MMP16: variants seen among roughly 807,000 people sequenced by gnomAD.
MMP16 encodes the protein matrix metalloproteinase-16.
In MMP16, 12 loss-of-function variants were observed where a neutral mutation model predicts 67.8. The ratio of observed to expected loss-of-function variants is 0.18; its 90% CI spans 0.11 to 0.29. The LOEUF (loss-of-function observed/expected upper bound fraction) is 0.29, where lower values mean the gene tolerates loss of function less well. MMP16 is among the 10% of genes least tolerant of loss of function. MMP16 has a pLI of 1.00. For missense variants in MMP16, 475 were observed against 765.7 expected (o/e 0.62, Z 4.48); for synonymous variants, 249 against 255.9 (o/e 0.97, Z 0.26).
intron 6 of MMP16, among the ~76,000 whole-genome samples, chr8:88,100,651 C>G (rs954983383): frequency 7.9e-5 from 12 of 151,988 alleles, no homozygotes; most frequent in African/African-American, 2.7e-4. Flanking sequence ...GATTATAAAT[C>G]ATGCTGCTAT....
At chr8:88,123,648 A>G (rs1489590217) in intron 4 of MMP16, among the ~76,000 whole-genome samples, 1 of 151,514 alleles carries the variant, frequency 6.6e-6, no homozygotes, top group Non-Finnish European at 1.5e-5. Flanking sequence ...CCTAAACATC[A>G]TTACTCCTGC....
chr8:88,077,532 T>C (rs555740752), intron 6 of MMP16, among the ~76,000 whole-genome samples: 1 of 152,282 alleles, frequency 6.6e-6, no homozygotes, highest in East Asian at 1.9e-4. Flanking sequence ...TTTACTAATT[T>C]ATTGTTCATT....
intron 1 of MMP16, among the ~76,000 whole-genome samples, chr8:88,209,874 T>C (rs1431266144): frequency 1.3e-5 from 2 of 152,170 alleles, no homozygotes; most frequent in Non-Finnish European, 2.9e-5. Flanking sequence ...AAGAATGTTA[T>C]GGACTGAATG....
chr8:88,249,644 C>A (rs1274510789), intron 1 of MMP16, among the ~76,000 whole-genome samples: 1 of 152,090 alleles, frequency 6.6e-6, no homozygotes, highest in Non-Finnish European at 1.5e-5. Context: ...CCTGGCTAGA[C>A]AAGTAGCTCT....
chr8:88,197,653 G>C (rs1809278204), intron 1 of MMP16, among the ~76,000 whole-genome samples: 2 of 152,058 alleles, frequency 1.3e-5, no homozygotes, highest in African/African-American at 4.8e-5. Flanking sequence ...CAAAATGAAG[G>C]ATGCTTTTTC....
chr8:88,052,682 CACT>C (rs1375957610), intron 8 of MMP16, among the ~76,000 whole-genome samples: 1 of 152,218 alleles, frequency 6.6e-6, no homozygotes, highest in Non-Finnish European at 1.5e-5. Context: ...CTTCTTCCAC[CACT>C]TAACCATTAT....
At chr8:88,317,001 T>C (rs918047914) in intron 1 of MMP16, among the ~76,000 whole-genome samples, 24 of 152,172 alleles carry the variant, frequency 1.6e-4, no homozygotes, top group Non-Finnish European at 3.2e-4. Flanking sequence ...AATCTCATTA[T>C]AAAACTTTAA....
intron 1 of MMP16, among the ~76,000 whole-genome samples, chr8:88,275,449 A>AT (rs1284484641): frequency 6.6e-6 from 1 of 151,724 alleles, no homozygotes; most frequent in Non-Finnish European, 1.5e-5. Context: ...TAGCTTAGCC[A>AT]TTTTTTTCAG....
chr8:88,043,364 A>G (rs1206973607), intron 9 of MMP16, among the ~76,000 whole-genome samples: 1 of 151,958 alleles, frequency 6.6e-6, no homozygotes, highest in East Asian at 1.9e-4. Context: ...GCTCACAGCA[A>G]CCTCCGCCTC....
At chr8:88,111,319 A>G (rs952402285) in intron 6 of MMP16, among the ~76,000 whole-genome samples, 6 of 151,748 alleles carry the variant, frequency 4.0e-5, no homozygotes, top group African/African-American at 1.4e-4. Flanking sequence ...ATCTAGACCA[A>G]TGCAGACCTG....
chr8:88,293,265 C>T (rs772584504), intron 1 of MMP16, among the ~76,000 whole-genome samples: 11 of 152,028 alleles, frequency 7.2e-5, no homozygotes, highest in Admixed American at 3.3e-4. Context: ...CCACTGTTTC[C>T]TCTTATTACC....
chr8:88,282,686 A>G (rs1344774577), intron 1 of MMP16, among the ~76,000 whole-genome samples: 1 of 152,180 alleles, frequency 6.6e-6, no homozygotes, highest in African/African-American at 2.4e-5. Context: ...TAAAGAGGTG[A>G]TTAAGGAGGT....
intron 6 of MMP16, among the ~76,000 whole-genome samples, chr8:88,111,532 TA>T (rs2118412555): frequency 6.6e-6 from 1 of 151,536 alleles, no homozygotes; most frequent in East Asian, 2.0e-4. Context: ...CAAAATAAGA[TA>T]GAGGAGGTAA....
At chr8:88,106,315 C>T (rs779953964) in intron 6 of MMP16, among the ~76,000 whole-genome samples, 20 of 151,186 alleles carry the variant, frequency 1.3e-4, no homozygotes, top group Non-Finnish European at 2.8e-4. Context: ...CTCTGCACCT[C>T]GCTTTAAAAA....
rs954839313 is a variant in MMP16 at position 88,040,091 on chromosome 8, T to C, written c.*1370A>G. On this transcript the variant is annotated 3_prime_UTR_variant, in exon 10 of 10. Transcript: ENST00000286614. ...TGCTAACTGCATATACCAAGGCAAA[T>C]TGAATTTTCATGCAATGGATTTTAA... The C allele has an allele frequency of 6.6e-6, 1 of 152,588 alleles. No homozygotes were observed. The highest frequency in any genetic ancestry group is 2.4e-5 in the African/African-American group (1 of 41,432). 9.5% of individuals were successfully genotyped at this position (152,588 alleles called of 1,614,324 possible).
At chr8:88,207,274 T>A (rs1443482737) in intron 1 of MMP16, among the ~76,000 whole-genome samples, 1 of 152,190 alleles carries the variant, frequency 6.6e-6, no homozygotes, top group African/African-American at 2.4e-5. Flanking sequence ...AAATAATAAC[T>A]GCATAAAATT....
At chr8:88,078,882 C>G (rs1313705999) in intron 6 of MMP16, among the ~76,000 whole-genome samples, 1 of 152,152 alleles carries the variant, frequency 6.6e-6, no homozygotes, top group Non-Finnish European at 1.5e-5. Flanking sequence ...CACCTTGGTC[C>G]TGCTCTATCT....
chr8:88,119,639 C>T (rs998046476), intron 4 of MMP16, among the ~76,000 whole-genome samples: 1 of 151,994 alleles, frequency 6.6e-6, no homozygotes, highest in Admixed American at 6.6e-5. Flanking sequence ...ATGCAATCAA[C>T]CCCGTTGATG....
chr8:88,231,099 AT>A (rs1203188112), intron 1 of MMP16, among the ~76,000 whole-genome samples: 2 of 152,186 alleles, frequency 1.3e-5, no homozygotes, highest in Non-Finnish European at 2.9e-5. Flanking sequence ...TTCAATAATC[AT>A]TATTTAGATG....
Sources: gnomAD v4.1 joint callset for allele counts (sites outside exome capture counted in the v4.1 genomes callset) on GRCh38, gnomAD v4.1.1 for gene constraint, MANE v1.5 for transcripts, NCBI Gene and HGNC (gene_info 2026-07-23, HGNC 2026-07-21) for gene names.